Variants in NEK11 observed in about 807,000 individuals in gnomAD.
The protein encoded by NEK11 is serine/threonine-protein kinase Nek11.
In NEK11, 72 loss-of-function variants were observed where a neutral mutation model predicts 80.7. The ratio of observed to expected loss-of-function variants is 0.89; its 90% CI spans 0.74 to 1.08. NEK11 has a LOEUF of 1.08. Ranked by LOEUF, NEK11 falls within the 50% of genes least tolerant of loss-of-function variation. The pLI is 0.00. For missense variants in NEK11, 764 were observed against 763.6 expected, an observed-to-expected ratio of 1.00 and a Z score of -0.01; for synonymous variants, 251 against 260.7, an observed-to-expected ratio of 0.96 and a Z score of 0.36.
intron 17 of NEK11, among the ~76,000 whole-genome samples, chr3:131,284,132 A>G (rs1400817189): frequency 1.3e-5 from 2 of 152,244 alleles, no homozygotes; most frequent in African/African-American, 4.8e-5. Flanking sequence ...CTGGAAGTTC[A>G]GAGGAGGAGG....
At chr3:131,048,715 G>C (rs1433661837) in intron 3 of NEK11, among the ~76,000 whole-genome samples, 2 of 152,212 alleles carry the variant, frequency 1.3e-5, no homozygotes, top group Admixed American at 6.5e-5. Context: ...GTATGTTCCT[G>C]TGGTAGTTCT....
chr3:131,283,516 CTGTGTGTGTGTGTGTG>C (rs4044351), intron 17 of NEK11, among the ~76,000 whole-genome samples: 3 of 147,246 alleles, frequency 2.0e-5, no homozygotes, highest in Non-Finnish European at 4.5e-5. Context: ...CAGGCTATTA[CTGTGTGTGTGTGTGTG>C]TGTGTGTGTG....
intron 14 of NEK11, among the ~76,000 whole-genome samples, chr3:131,183,676 A>G (rs995446658): frequency 8.5e-5 from 13 of 152,220 alleles, no homozygotes; most frequent in African/African-American, 2.9e-4. Flanking sequence ...TTCTTTATCC[A>G]GTCTATCACT....
Position 131,191,937 on chromosome 3 carries a change from A to T in NEK11, c.1399+21050A>T, listed in dbSNP as rs920106514. The stretch of plus-strand genomic sequence containing the variant: ...GTACCAGCAACAAAAGAAAACATAA[A>T]CATGGATTTCATCAAAATGAGAAAT... On this transcript the variant is annotated intron_variant, in intron 14 of 17. Transcript: ENST00000383366. 3.3e-5 allele frequency among the ~76,000 whole-genome samples: 5 copies of T among 152,300 alleles called. No individual in the cohort carries two copies. In the South Asian group the frequency reaches 8.3e-4, roughly 25 times the overall value.
chr3:131,244,273 C>T (rs1449145173), intron 16 of NEK11, among the ~76,000 whole-genome samples: 2 of 152,074 alleles, frequency 1.3e-5, no homozygotes, highest in African/African-American at 2.4e-5. Flanking sequence ...CTTTTTCTAG[C>T]TTATTCCACA....
intron 14 of NEK11, among the ~76,000 whole-genome samples, chr3:131,215,488 G>A (rs2094803460): frequency 6.6e-6 from 1 of 152,142 alleles, no homozygotes; most frequent in African/African-American, 2.4e-5. Context: ...GGAGGTCTGT[G>A]AGCTTGCCTT....
rs1220350044 is a variant in NEK11 at position 131,228,693 on chromosome 3, GT to G, written c.1560+6del. ...GCTTACAGAACAAACCAACAGGTAT[GT>G]AATGCTCCCTGTCGGAAGCCATGGA... On this transcript the variant is annotated splice_donor_region_variant and intron_variant, in intron 15 of 17. Coordinates refer to ENST00000383366, the MANE Select transcript of NEK11 (RefSeq NM_024800.5). 1 of 1,611,032 alleles carries G rather than the reference GT, an allele frequency of 6.2e-7. No individual in the cohort carries two copies. Among genetic ancestry groups the G allele is most frequent in the African/African-American group, 1.3e-5 (1 of 74,982 alleles).
At chr3:131,043,841 A>C (rs1458988570) in intron 3 of NEK11, among the ~76,000 whole-genome samples, 1 of 152,220 alleles carries the variant, frequency 6.6e-6, no homozygotes, top group African/African-American at 2.4e-5. Context: ...AATGAAGGAA[A>C]AAATGTGAAG....
At chr3:131,283,516 CTGTGTGTGTGTG>C (rs4044351) in intron 17 of NEK11, among the ~76,000 whole-genome samples, 10 of 147,332 alleles carry the variant, frequency 6.8e-5, no homozygotes, top group African/African-American at 2.2e-4. Context: ...CAGGCTATTA[CTGTGTGTGTGTG>C]TGTGTGTGTG....
At chr3:131,049,212 A>G (rs1361548255) in intron 3 of NEK11, among the ~76,000 whole-genome samples, 1 of 152,252 alleles carries the variant, frequency 6.6e-6, no homozygotes, top group Non-Finnish European at 1.5e-5. Context: ...ATCCATGTAG[A>G]ATAACAAATG....
intron 16 of NEK11, among the ~76,000 whole-genome samples, chr3:131,245,308 T>C (rs1313543136): frequency 8.4e-6 from 1 of 119,138 alleles, no homozygotes; most frequent in Non-Finnish European, 1.6e-5. Context: ...CCATTGTGTG[T>C]GTGTGTGTGT....
intron 14 of NEK11, among the ~76,000 whole-genome samples, chr3:131,200,419 T>C (rs2094183343): frequency 6.6e-6 from 1 of 152,178 alleles, no homozygotes; most frequent in Non-Finnish European, 1.5e-5. Flanking sequence ...CTTTGGAAAA[T>C]AGCTCTTGGC....
intron 3 of NEK11, among the ~76,000 whole-genome samples, chr3:131,063,523 A>G (rs2071311320): frequency 6.6e-6 from 1 of 152,182 alleles, no homozygotes; most frequent in African/African-American, 2.4e-5. Flanking sequence ...GGGAAACAGA[A>G]GCAAGAAAAA....
At chr3:131,169,213 A>G (rs1166904967) in intron 13 of NEK11, among the ~76,000 whole-genome samples, 1 of 152,190 alleles carries the variant, frequency 6.6e-6, no homozygotes, top group Non-Finnish European at 1.5e-5. Context: ...CCTTGCCCAT[A>G]TACATGTTTA....
chr3:131,093,808 C>T (rs562879112), intron 4 of NEK11, among the ~76,000 whole-genome samples: 43 of 152,132 alleles, frequency 2.8e-4, no homozygotes, highest in African/African-American at 8.9e-4. Flanking sequence ...TCAGGTTTAA[C>T]ATGACATAGT....
At chr3:131,347,132 A>T (rs1484265442) in intron 17 of NEK11, among the ~76,000 whole-genome samples, 1 of 152,162 alleles carries the variant, frequency 6.6e-6, no homozygotes, top group East Asian at 1.9e-4. Context: ...TGACAATCTC[A>T]TGACAGAAGG....
chr3:131,080,001 CAG>C (rs1484673309), intron 3 of NEK11, among the ~76,000 whole-genome samples: 1 of 149,948 alleles, frequency 6.7e-6, no homozygotes, highest in Non-Finnish European at 1.5e-5. Flanking sequence ...TACAGGGAGA[CAG>C]AGTGATGGAT....
intron 14 of NEK11, among the ~76,000 whole-genome samples, chr3:131,198,694 C>G (rs753173689): frequency 1.3e-5 from 2 of 152,178 alleles, no homozygotes; most frequent in Non-Finnish European, 2.9e-5. Flanking sequence ...TGTAAGGACT[C>G]CTAGAGCTAT....
rs546387583 is a variant in NEK11, at chr3:131,091,110, G to C, written c.336+10522G>C. 4.7e-4 allele frequency among the ~76,000 whole-genome samples: 72 copies of C among 152,274 alleles called. No individual in the cohort carries two copies. The South Asian group carries it at 0.015, about 31-fold the overall frequency. ...AAATGCAAAACAAATAGTTTTTCTT[G>C]AGGATAAACATGTAAAATGGAAATA... is the stretch of plus-strand genomic sequence containing the variant. On this transcript the variant is annotated intron_variant, in intron 4 of 17. Transcript: ENST00000383366.
Sources: gnomAD v4.1 joint callset for allele counts (sites outside exome capture counted in the v4.1 genomes callset) on GRCh38, gnomAD v4.1.1 for gene constraint, MANE v1.5 for transcripts, NCBI Gene and HGNC (gene_info 2026-07-23, HGNC 2026-07-21) for gene names.